Variants in ABCC4 observed in about 807,000 individuals in gnomAD.
ABCC4 encodes the protein ATP-binding cassette sub-family C member 4.
In ABCC4, 102 loss-of-function variants were observed where a neutral mutation model predicts 168.5. The observed-to-expected ratio is 0.61, with a 90% CI of 0.52 to 0.71. The LOEUF is 0.71. Among genes scored for constraint, ABCC4 ranks in the 30% least tolerant of loss-of-function variants. The pLI, the probability that ABCC4 is intolerant of heterozygous loss-of-function variation, is 0.00. For synonymous variants in ABCC4, 617 were observed against 590.7 expected, an observed-to-expected ratio of 1.04 and a Z score of -0.65; for missense variants, 1,402 against 1,605.8, an observed-to-expected ratio of 0.87 and a Z score of 2.17.
chr13:95,208,602 G>A (rs1307290636), intron 6 of ABCC4, among the ~76,000 whole-genome samples: 2 of 114,296 alleles, frequency 1.7e-5, no homozygotes, highest in Admixed American at 1.0e-4. Context: ...ATCAAAAGCT[G>A]TATTTCTTTT....
intron 20 of ABCC4, among the ~76,000 whole-genome samples, chr13:95,114,233 A>G (rs985414807): frequency 6.6e-6 from 1 of 152,144 alleles, no homozygotes; most frequent in Non-Finnish European, 1.5e-5. Flanking sequence ...TTCCCTCCTC[A>G]TGCTTCTAAG....
intron 7 of ABCC4, 90 bp from the exon 8 acceptor site, chr13:95,206,871 G>T: frequency 6.9e-7 from 1 of 1,441,320 alleles, no homozygotes; most frequent in Non-Finnish European, 9.5e-7. Flanking sequence ...GGGAGCTGAG[G>T]TGGATGAATT....
At chr13:95,045,909 T>A (rs1336824597) in intron 27 of ABCC4, among the ~76,000 whole-genome samples, 1 of 152,218 alleles carries the variant, frequency 6.6e-6, no homozygotes, top group Non-Finnish European at 1.5e-5. Flanking sequence ...GTTGTACTCA[T>A]GATGGAAGTC....
At chr13:95,158,635 T>C (rs61965889) in intron 19 of ABCC4, among the ~76,000 whole-genome samples, 23,857 of 152,178 alleles carry the variant, frequency 0.16, 2,216 homozygotes, top group South Asian at 0.25. Flanking sequence ...TCCCAGTCTT[T>C]CTACCCCACT....
At chr13:95,120,454 G>A (rs927369398) in intron 19 of ABCC4, among the ~76,000 whole-genome samples, 2 of 151,064 alleles carry the variant, frequency 1.3e-5, no homozygotes, top group Non-Finnish European at 2.9e-5. Context: ...TTAATCCCAG[G>A]TACATGGGAA....
At chr13:95,258,030 G>A (rs1285748336) in intron 1 of ABCC4, among the ~76,000 whole-genome samples, 3 of 152,040 alleles carry the variant, frequency 2.0e-5, no homozygotes, top group South Asian at 2.1e-4. Flanking sequence ...GCCTTTCCAG[G>A]TGCATTTGTC....
chr13:95,148,598 A>ACG (rs1179138771), intron 19 of ABCC4, among the ~76,000 whole-genome samples: 148 of 114,538 alleles, frequency 1.3e-3, no homozygotes, highest in Middle Eastern at 8.8e-3. Context: ...CACAACACAC[A>ACG]CACACACACA....
intron 21 of ABCC4, among the ~76,000 whole-genome samples, chr13:95,079,868 C>T (rs1002269517): frequency 1.6e-4 from 24 of 152,194 alleles, no homozygotes; most frequent in South Asian, 4.2e-4. Context: ...AAAAAAAACA[C>T]TGCCCAAGGT....
chr13:95,241,993 G>A (rs2039958446), intron 3 of ABCC4, among the ~76,000 whole-genome samples: 1 of 151,948 alleles, frequency 6.6e-6, no homozygotes, highest in African/African-American at 2.4e-5. Context: ...ATATTCTACT[G>A]TTCAACCTCA....
chr13:95,122,694 C>G (rs1344960029), intron 19 of ABCC4, among the ~76,000 whole-genome samples: 2 of 152,158 alleles, frequency 1.3e-5, no homozygotes, highest in Non-Finnish European at 2.9e-5. Flanking sequence ...CTACCAGGAT[C>G]TCAGCCTTCG....
At chr13:95,063,019 G>C (rs1024541404) in intron 25 of ABCC4, among the ~76,000 whole-genome samples, 160 bp from the exon 26 acceptor site, 2 of 152,138 alleles carry the variant, frequency 1.3e-5, no homozygotes, top group Non-Finnish European at 2.9e-5. Context: ...ATGACCTTCT[G>C]AGCTGGATAC....
chr13:95,180,614 CAA>C (rs766074766), intron 11 of ABCC4, among the ~76,000 whole-genome samples: 54 of 152,186 alleles, frequency 3.5e-4, no homozygotes, highest in Non-Finnish European at 1.2e-4. Flanking sequence ...CATAAAAAGA[CAA>C]TGCACCATTT....
intron 24 of ABCC4, among the ~76,000 whole-genome samples, chr13:95,072,451 A>G (rs577994046): frequency 4.6e-5 from 7 of 152,144 alleles, no homozygotes; most frequent in African/African-American, 1.7e-4. Flanking sequence ...ACAAGAGCAA[A>G]ACTCTGTCCC....
intron 1 of ABCC4, among the ~76,000 whole-genome samples, chr13:95,248,844 C>G (rs1426620266): frequency 3.3e-5 from 5 of 152,066 alleles, no homozygotes; most frequent in Non-Finnish European, 7.4e-5. Context: ...GCCAGAAGCT[C>G]GAGACCAGCC....
intron 3 of ABCC4, among the ~76,000 whole-genome samples, chr13:95,238,745 A>G (rs1430154043): frequency 6.6e-6 from 1 of 152,154 alleles, no homozygotes; most frequent in Non-Finnish European, 1.5e-5. Context: ...TTTAGTAGAG[A>G]CAGGATTTCA....
At chr13:95,148,725 G>T (rs1265513489) in intron 19 of ABCC4, among the ~76,000 whole-genome samples, 1 of 151,560 alleles carries the variant, frequency 6.6e-6, no homozygotes, top group African/African-American at 2.4e-5. Context: ...AAATGAAAGT[G>T]GACATGAGAA....
At chr13:95,086,856 A>G (rs1304551791) in intron 20 of ABCC4, among the ~76,000 whole-genome samples, 2 of 152,188 alleles carry the variant, frequency 1.3e-5, no homozygotes, top group Non-Finnish European at 2.9e-5. Flanking sequence ...TGGTATTTTC[A>G]TGATTTGTTT....
chr13:95,171,572 G>GGA lies in ABCC4; in HGVS notation c.1728-945_1728-944insTC, dbSNP rs1555325653. Among the ~76,000 whole-genome samples the GGA allele has an allele frequency of 3.6e-4, 48 of 134,244 alleles. No homozygotes were observed. The South Asian group carries it at 0.011, about 29-fold the overall frequency. 88.1% of individuals were successfully genotyped at this position (134,244 alleles called of 152,430 possible). A position where few individuals can be genotyped will look rare whatever the true frequency, so the allele number is the denominator to read the frequency against. ...CCCTGTCTCAAAAAGAAAAAAAGGA[G>GGA]AAAAAAAAAAAAGAAAAAGAAAAGA... On this transcript the variant is annotated intron_variant, in intron 13 of 30. Coordinates refer to ENST00000645237, the MANE Select transcript of ABCC4 (RefSeq NM_005845.5).
At chr13:95,232,158 A>ATAG (rs1566551500) in intron 4 of ABCC4, among the ~76,000 whole-genome samples, 1 of 150,066 alleles carries the variant, frequency 6.7e-6, no homozygotes, top group African/African-American at 2.5e-5. Flanking sequence ...GGTGGTGGTG[A>ATAG]TGATGATGAA....
Sources: gnomAD v4.1 joint callset for allele counts (sites outside exome capture counted in the v4.1 genomes callset) on GRCh38, gnomAD v4.1.1 for gene constraint, MANE v1.5 for transcripts, NCBI Gene and HGNC (gene_info 2026-07-23, HGNC 2026-07-21) for gene names.